WWOX: variants seen among roughly 807,000 people sequenced by gnomAD.
The protein encoded by WWOX is WW domain-containing oxidoreductase.
A neutral mutation model predicts 46.2 loss-of-function variants in WWOX; 69 were observed. That is an observed-to-expected ratio of 1.49 (90% CI 1.23 to 1.82). The LOEUF (loss-of-function observed/expected upper bound fraction) is 1.82, where lower values mean the gene tolerates loss of function less well. Among genes scored for constraint, WWOX ranks in the 40% most tolerant of loss-of-function variants. The pLI is 0.00. For missense variants in WWOX, 919 were observed against 542.6 expected (o/e 1.69, Z -6.89); for synonymous variants, 359 against 202.6 (o/e 1.77, Z -6.56).
At chr16:78,489,272 T>G (rs1287904304) in intron 8 of WWOX, among the ~76,000 whole-genome samples, 1 of 152,174 alleles carries the variant, frequency 6.6e-6, no homozygotes, top group African/African-American at 2.4e-5. Context: ...AGCTGTAACA[T>G]AAGAACAGAT....
chr16:78,232,840 T>C (rs1329963902), intron 5 of WWOX, among the ~76,000 whole-genome samples: 1 of 151,842 alleles, frequency 6.6e-6, no homozygotes, highest in East Asian at 1.9e-4. Flanking sequence ...TCTTTTTCTT[T>C]CTTTTCTTTT....
intron 8 of WWOX, among the ~76,000 whole-genome samples, chr16:78,831,897 C>T (rs765892879): frequency 8.5e-5 from 13 of 152,236 alleles, no homozygotes; most frequent in South Asian, 2.1e-4. Flanking sequence ...TTGGTGATCT[C>T]GTCGTAATTT....
intron 8 of WWOX, among the ~76,000 whole-genome samples, chr16:78,845,044 A>G (rs1196816880): frequency 1.3e-5 from 2 of 152,088 alleles, no homozygotes; most frequent in East Asian, 1.9e-4. Context: ...TGGAAAAGCT[A>G]CAGACAAATG....
intron 5 of WWOX, among the ~76,000 whole-genome samples, chr16:78,321,559 T>C (rs987286646): frequency 6.6e-6 from 1 of 152,014 alleles, no homozygotes; most frequent in African/African-American, 2.4e-5. Context: ...TGTGTAGGAC[T>C]GAATTTGAAG....
At chr16:78,244,264 T>C (rs2037748274) in intron 5 of WWOX, among the ~76,000 whole-genome samples, 1 of 152,242 alleles carries the variant, frequency 6.6e-6, no homozygotes, top group Admixed American at 6.5e-5. Context: ...AGTGCTCAGC[T>C]TTGTGTCTGG....
chr16:78,557,629 C>T (rs936261443), intron 8 of WWOX, among the ~76,000 whole-genome samples: 80 of 150,180 alleles, frequency 5.3e-4, no homozygotes, highest in African/African-American at 2.0e-3. Context: ...CCACTGAAAA[C>T]TGTCTTATTT....
intron 4 of WWOX, among the ~76,000 whole-genome samples, chr16:78,149,294 A>C (rs142262167): frequency 3.3e-5 from 5 of 152,306 alleles, no homozygotes; most frequent in Admixed American, 2.0e-4. Context: ...GGAAGTATAG[A>C]AGTGGGGTTA....
intron 8 of WWOX, among the ~76,000 whole-genome samples, chr16:78,955,310 C>T (rs973603810): frequency 6.6e-6 from 1 of 152,184 alleles, no homozygotes; most frequent in Admixed American, 6.5e-5. Flanking sequence ...CACAGCTGCA[C>T]ATACAACAAC....
At chr16:78,967,984 A>G (rs2046393938) in intron 8 of WWOX, among the ~76,000 whole-genome samples, 1 of 152,182 alleles carries the variant, frequency 6.6e-6, no homozygotes, top group African/African-American at 2.4e-5. Flanking sequence ...ATACCCCACT[A>G]TATTAAAAGA....
At chr16:78,541,277 A>G (rs1738335451) in intron 8 of WWOX, among the ~76,000 whole-genome samples, 1 of 151,466 alleles carries the variant, frequency 6.6e-6, no homozygotes, top group South Asian at 2.1e-4. Context: ...GATCGAGACC[A>G]TCCCGGCTAA....
intron 8 of WWOX, among the ~76,000 whole-genome samples, chr16:78,723,634 C>CTTTTCTT (rs2048753499): frequency 2.5e-5 from 2 of 78,812 alleles, no homozygotes; most frequent in African/African-American, 1.1e-4. Flanking sequence ...TTTCTTTTTT[C>CTTTTCTT]TTTTCTTTTC....
rs529043760 is a variant in WWOX, at chr16:78,911,668, C to G, written c.1057-299940C>G. 2.0e-5 allele frequency among the ~76,000 whole-genome samples: 3 copies of G among 152,076 alleles called. No individual in the cohort carries two copies. The East Asian group carries it at 5.8e-4, about 29-fold the overall frequency. ...ATCACTTGAAGTCAGGAGTTTGAGA[C>G]CAGCCTGGCCAACATGGTTAAACCC... is the stretch of plus-strand genomic sequence containing the variant. On this transcript the variant is annotated intron_variant, in intron 8 of 8. Coordinates refer to ENST00000566780, the MANE Select transcript of WWOX (RefSeq NM_016373.4).
intron 5 of WWOX, among the ~76,000 whole-genome samples, chr16:78,325,444 A>C (rs1342715731): frequency 2.6e-5 from 4 of 152,224 alleles, no homozygotes; most frequent in Non-Finnish European, 5.9e-5. Flanking sequence ...AACTGGTGAT[A>C]GTCCATTAGT....
intron 8 of WWOX, among the ~76,000 whole-genome samples, chr16:78,938,093 T>G (rs1014868896): frequency 1.3e-5 from 2 of 152,188 alleles, no homozygotes; most frequent in Non-Finnish European, 1.5e-5. Context: ...AGATCACCAC[T>G]CAGACCCTGT....
intron 8 of WWOX, among the ~76,000 whole-genome samples, chr16:78,630,447 C>T (rs929070745): frequency 4.6e-5 from 7 of 152,298 alleles, no homozygotes; most frequent in South Asian, 2.1e-4. Flanking sequence ...TTGTTATATG[C>T]TACAGAGAGG....
At chr16:78,942,634 A>G (rs1276763231) in intron 8 of WWOX, among the ~76,000 whole-genome samples, 1 of 152,192 alleles carries the variant, frequency 6.6e-6, no homozygotes, top group Non-Finnish European at 1.5e-5. Context: ...TTTGAGACAT[A>G]CTTTTCACAC....
At chr16:78,189,064 G>T (rs1490373072) in intron 5 of WWOX, among the ~76,000 whole-genome samples, 1 of 152,166 alleles carries the variant, frequency 6.6e-6, no homozygotes, top group African/African-American at 2.4e-5. Context: ...GTTGAAGCTG[G>T]TGTTTGATTC....
chr16:78,530,626 T>G (rs774717232), intron 8 of WWOX, among the ~76,000 whole-genome samples: 43 of 152,114 alleles, frequency 2.8e-4, no homozygotes, highest in Non-Finnish European at 4.7e-4. Flanking sequence ...AAGGCAATAT[T>G]TGAGTGGAAA....
At chr16:78,525,299 C>T (rs1299220983) in intron 8 of WWOX, 1 of 151,062 alleles carries the variant, frequency 6.6e-6, no homozygotes, top group Non-Finnish European at 1.5e-5. Context: ...CATTGTCCTC[C>T]CTCAGCCTCC....
Sources: allele counts gnomAD v4.1 joint callset (sites outside exome capture counted in the v4.1 genomes callset), GRCh38; gene constraint gnomAD v4.1.1; transcripts MANE v1.5; gene names NCBI Gene and HGNC (gene_info 2026-07-23, HGNC 2026-07-21).